The following ZUP1 variants were observed in gnomAD, a reference collection of about 807,000 sequenced individuals.
ZUP1 encodes zinc finger containing ubiquitin peptidase 1.
Under a neutral mutation model 68.1 loss-of-function variants are expected in ZUP1, and 55 were observed. The ratio of observed to expected loss-of-function variants is 0.81; its 90% CI spans 0.65 to 1.01. The LOEUF (loss-of-function observed/expected upper bound fraction) is 1.01. Ranked by LOEUF, ZUP1 falls within the 50% of genes least tolerant of loss-of-function variation. ZUP1 has a pLI of 0.00. For missense variants in ZUP1, 684 were observed against 674.9 expected (o/e 1.01, Z -0.15); for synonymous variants, 223 against 221.5 (o/e 1.01, Z -0.06).
intron 5 of ZUP1, 46 bp downstream of exon 5, chr6:116,656,638 G>C: frequency 6.9e-7 from 1 of 1,441,118 alleles, no homozygotes; most frequent in Non-Finnish European, 9.5e-7. Context: ...TTACTTCAGT[G>C]GTATAAGCAA....
At chr6:116,663,803 T>C (rs1488953172) in intron 2 of ZUP1, among the ~76,000 whole-genome samples, 3 of 150,902 alleles carry the variant, frequency 2.0e-5, no homozygotes, top group Non-Finnish European at 3.0e-5. Context: ...AAAAATTAGC[T>C]GGGCGTGGTG....
At chr6:116,637,072 T>A (rs1166535091) in intron 9 of ZUP1, among the ~76,000 whole-genome samples, 1 of 152,172 alleles carries the variant, frequency 6.6e-6, no homozygotes, top group Non-Finnish European at 1.5e-5. Flanking sequence ...TTTTTTCATT[T>A]TTCAAAATGT....
chr6:116,668,115 G>A (rs1399706223), intron 1 of ZUP1, among the ~76,000 whole-genome samples: 2 of 152,160 alleles, frequency 1.3e-5, no homozygotes, highest in African/African-American at 4.8e-5. Context: ...GAAAAGTAAT[G>A]ACACTATCAC....
At chr6:116,659,464 CATTA>C (rs1776770407) in intron 3 of ZUP1, among the ~76,000 whole-genome samples, 1 of 152,038 alleles carries the variant, frequency 6.6e-6, no homozygotes, top group Admixed American at 6.6e-5. Flanking sequence ...AAGCACTTTT[CATTA>C]ATTATATCAT....
chr6:116,661,034 A>C (rs1776822142), intron 2 of ZUP1, among the ~76,000 whole-genome samples, 188 bp from the exon 3 acceptor site: 1 of 151,010 alleles, frequency 6.6e-6, no homozygotes, highest in African/African-American at 2.4e-5. Context: ...ATGCGCCACC[A>C]CGCCCAGCTA....
chr6:116,655,214 A>G (rs746601366), intron 5 of ZUP1, among the ~76,000 whole-genome samples: 2 of 152,192 alleles, frequency 1.3e-5, no homozygotes, highest in African/African-American at 2.4e-5. Flanking sequence ...TATCAATATG[A>G]AAACAAGATA....
intron 2 of ZUP1, 31 bp downstream of exon 2, chr6:116,666,603 C>A: frequency 6.6e-7 from 1 of 1,505,702 alleles, no homozygotes; most frequent in East Asian, 2.3e-5. Context: ...AGGCTGTAAA[C>A]TTATAATTTA....
In ZUP1 at chr6:116,657,026, A is replaced by AC. The variant is rs1562408454; in HGVS notation, c.793-175_793-174insG. Among the ~76,000 whole-genome samples the AC allele has an allele frequency of 6.2e-4, 83 of 133,916 alleles. No homozygotes were observed. In the South Asian group the frequency reaches 7.9e-3, roughly 13 times the overall value. 87.9% of individuals were successfully genotyped at this position (133,916 alleles called of 152,430 possible). ...AATAACACACACACACACACACACA[A>AC]AAAAAAATTATTGACTTAATAAGCA... On this transcript the variant is annotated intron_variant, in intron 4 of 9. Coordinates refer to ENST00000368576, the MANE Select transcript of ZUP1 (RefSeq NM_145062.3).
chr6:116,661,477 C>G (rs181277727), intron 2 of ZUP1, among the ~76,000 whole-genome samples: 1 of 152,074 alleles, frequency 6.6e-6, no homozygotes, highest in African/African-American at 2.4e-5. Context: ...TTCTCAGCAC[C>G]CAACAGAGTG....
intron 9 of ZUP1, among the ~76,000 whole-genome samples, chr6:116,643,395 A>C (rs1583362429): frequency 1.3e-5 from 2 of 152,332 alleles, no homozygotes; most frequent in South Asian, 4.1e-4. Context: ...TCCTAAGCCA[A>C]AAGAACAAAT....
chr6:116,635,805 C>T lies in ZUP1; in HGVS notation c.*27G>A. ...TAGAAAACAAAGTATTGTTCTCAAT[C>T]ACTGAAATGCTTAAATGCTTGATTC... is the stretch of plus-strand genomic sequence containing the variant. On this transcript the variant is annotated 3_prime_UTR_variant, in exon 10 of 10. Transcript: ENST00000368576. 3.1e-6 allele frequency: 5 copies of T among 1,587,432 alleles called. No homozygotes were observed. Among genetic ancestry groups the T allele is most frequent in the Non-Finnish European group, 3.4e-6 (4 of 1,167,774 alleles).
At chr6:116,650,615 T>C (rs1389870114) in intron 7 of ZUP1, among the ~76,000 whole-genome samples, 3 of 152,104 alleles carry the variant, frequency 2.0e-5, no homozygotes, top group Admixed American at 6.6e-5. Context: ...CTTTTATCAA[T>C]AGTAGACCTA....
At chr6:116,640,572 C>G (rs1158405586) in intron 9 of ZUP1, among the ~76,000 whole-genome samples, 2 of 151,988 alleles carry the variant, frequency 1.3e-5, no homozygotes, top group Non-Finnish European at 2.9e-5. Context: ...CCCAGAATTT[C>G]ATATCCAGCC....
chr6:116,657,536 C>G (rs1194954571), intron 4 of ZUP1, among the ~76,000 whole-genome samples: 1 of 152,018 alleles, frequency 6.6e-6, no homozygotes. Context: ...TTGTGAGTCA[C>G]CAGTGAGAAA....
intron 9 of ZUP1, among the ~76,000 whole-genome samples, chr6:116,639,531 C>A (rs913277142): frequency 6.6e-6 from 1 of 152,130 alleles, no homozygotes; most frequent in Non-Finnish European, 1.5e-5. Context: ...TCGCGGTTCA[C>A]GAAAATCCGC....
intron 4 of ZUP1, among the ~76,000 whole-genome samples, chr6:116,657,153 G>C (rs750659730): frequency 2.0e-5 from 3 of 152,150 alleles, no homozygotes; most frequent in Non-Finnish European, 2.9e-5. Flanking sequence ...GGGAGATGCA[G>C]AAGAGTTCTG....
At chr6:116,654,775 G>A (rs746403765) in intron 5 of ZUP1, among the ~76,000 whole-genome samples, 2 of 152,004 alleles carry the variant, frequency 1.3e-5, no homozygotes, top group Non-Finnish European at 2.9e-5. Context: ...CAGGTAATTC[G>A]TTCAAGAGGA....
intron 7 of ZUP1, 144 bp from the exon 8 acceptor site, chr6:116,647,754 AT>A: frequency 1.6e-6 from 1 of 613,704 alleles, no homozygotes; most frequent in Non-Finnish European, 2.4e-6. Context: ...GTAAATATAA[AT>A]TTTTATTACT....
At chr6:116,651,833 T>C in intron 6 of ZUP1, 96 bp from the exon 7 acceptor site, 1 of 1,470,538 alleles carries the variant, frequency 6.8e-7, no homozygotes, top group South Asian at 1.3e-5. Context: ...TTACGGTTTT[T>C]AAGACAGTTA....
Sources: allele counts gnomAD v4.1 joint callset (sites outside exome capture counted in the v4.1 genomes callset), GRCh38; gene constraint gnomAD v4.1.1; transcripts MANE v1.5; gene names NCBI Gene and HGNC (gene_info 2026-07-23, HGNC 2026-07-21).